Variants in CHD3 observed in about 807,000 individuals in gnomAD.
CHD3 encodes the protein chromodomain helicase DNA binding protein 3.
Under a neutral mutation model 248.9 loss-of-function variants are expected in CHD3, and 52 were observed. The ratio of observed to expected loss-of-function variants is 0.21; its 90% CI spans 0.17 to 0.26. The LOEUF is 0.26. Among genes scored for constraint, CHD3 ranks in the 10% least tolerant of loss-of-function variants. The pLI is 1.00. For synonymous variants in CHD3, 985 were observed against 985.2 expected (o/e 1.00, Z 0.00); for missense variants, 1,482 against 2,605.8 (o/e 0.57, Z 9.39).
At position 7,900,758 on chromosome 17, in the gene CHD3, G is replaced by T. The variant is rs766586648; in HGVS notation, c.2978+27G>T. ...TAAGATGCAAGACGAGCTGCCTGGAGTAGGGCTTGGGGATTGATGGGAGCG... is the reference window on the plus strand; with the variant it reads ...TAAGATGCAAGACGAGCTGCCTGGATTAGGGCTTGGGGATTGATGGGAGCG... On this transcript the variant is annotated intron_variant, in intron 18 of 39. Coordinates refer to ENST00000330494, the MANE Select transcript of CHD3 (RefSeq NM_001005273.3). This position sits in a 1 kb window ranked among gnomAD's most constrained non-coding sequence, Gnocchi z 6.5. 3 of 1,610,434 alleles carry T rather than the reference G, an allele frequency of 1.9e-6. No homozygotes were observed. Among genetic ancestry groups the T allele is most frequent in the Admixed American group, 3.3e-5 (2 of 59,962 alleles).
In CHD3 at chr17:7,907,564, A is replaced by G. The variant is rs375804462; in HGVS notation, c.4925-37A>G. ...TCTTCTGGGGTCAGGGGATGAGGGT[A>G]ACATCCTCCCTTCCTATCCCCTACC... On this transcript the variant is annotated intron_variant, in intron 32 of 39. Coordinates refer to ENST00000330494, the MANE Select transcript of CHD3 (RefSeq NM_001005273.3). This position sits in a 1 kb window ranked among gnomAD's most constrained non-coding sequence, Gnocchi z 4.3. The G allele has an allele frequency of 1.3e-6, 2 of 1,522,116 alleles. No homozygotes were observed. The highest frequency in any genetic ancestry group is 1.8e-6 in the Non-Finnish European group (2 of 1,135,962). 94.3% of individuals were successfully genotyped at this position (1,522,116 alleles called of 1,614,324 possible). A position where few individuals can be genotyped will look rare whatever the true frequency, so the allele number is the denominator to read the frequency against.
Position 7,908,431 on chromosome 17 carries a change from C to G in CHD3, c.5182C>G (p.Arg1728Gly). 1.2e-6 allele frequency: 2 copies of G among 1,613,640 alleles called. No homozygotes were observed. The highest frequency in any genetic ancestry group is 1.7e-6 in the Non-Finnish European group (2 of 1,179,746). The change falls in exon 35 of 40, where the codon CGG becomes GGG. Residue 1728 changes from arginine to glycine, a missense_variant. By Grantham distance (125) the Arg-to-Gly change is moderately radical. Around this residue, in one of 20 missense-constraint regions of CHD3, gnomAD observed 36 missense variants for 70.4 expected, o/e 0.51. Coordinates refer to ENST00000330494, the MANE Select transcript of CHD3 (RefSeq NM_001005273.3). This position sits in a 1 kb window ranked among gnomAD's most constrained non-coding sequence, Gnocchi z 5.8. ...ELHTLWQNEE[R>G]AAISSGKLNE... ...TCACACACTGTGGCAGAATGAGGAA[C>G]GGGCAGCTATTTCCTCGGGGAAACT...
chr17:7,885,543 G>GCGTGGGGGAGGGGCA (rs1455523193), upstream of CHD3, among the ~76,000 whole-genome samples: 2 of 151,750 alleles, frequency 1.3e-5, no homozygotes, highest in East Asian at 2.0e-4. Flanking sequence ...CCGGACGGCG[G>GCGTGGGGGAGGGGCA]CGTGGGGGAG....
Position 7,904,421 on chromosome 17 carries a change from A to G in CHD3, c.3895-21A>G, listed in dbSNP as rs780192898. ...GCAAAGAAGGAGACCCCCAGTGTTC[A>G]TTCATTCTGTTGCCCTTCAGATTGA... On this transcript the variant is annotated intron_variant, in intron 24 of 39. Transcript: ENST00000330494. This position sits in a 1 kb window ranked among gnomAD's most constrained non-coding sequence, Gnocchi z 4.4. 2.2e-5 allele frequency: 36 copies of G among 1,605,188 alleles called. No individual in the cohort carries two copies. The highest frequency in any genetic ancestry group is 2.6e-5 in the Non-Finnish European group (30 of 1,173,336).
rs1425211503 is a variant in CHD3, at chr17:7,896,818, C to T, written c.1708-265C>T. ...GGATTACAGGCGTGCGCCACCACAC[C>T]TGGCTAATTTCTGTATTTTTAGTAG... On this transcript the variant is annotated intron_variant, in intron 10 of 39. Coordinates refer to ENST00000330494, the MANE Select transcript of CHD3 (RefSeq NM_001005273.3). Among the ~76,000 whole-genome samples the T allele has an allele frequency of 2.6e-5, 4 of 151,730 alleles. No homozygotes were observed. The East Asian group carries it at 7.7e-4, about 29-fold the overall frequency.
chr17:7,899,648 C>T lies in CHD3; in HGVS notation c.2544+105C>T, dbSNP rs563625386. ...TTCCCCTCCTCACCTTTCTCCTCTT[C>T]CTCCACCTGTCCTCCTGTCTCTGCA... On this transcript the variant is annotated intron_variant, in intron 15 of 39. Coordinates refer to ENST00000330494, the MANE Select transcript of CHD3 (RefSeq NM_001005273.3). This position sits in a 1 kb window ranked among gnomAD's most constrained non-coding sequence, Gnocchi z 6.8. The T allele has an allele frequency of 8.2e-7, 1 of 1,213,026 alleles. No homozygotes were observed. The allele number at this position is 1,213,026 out of a possible 1,614,324, so 75.1% of individuals were successfully genotyped here.
Position 7,895,482 on chromosome 17 carries a change from G to A in CHD3, c.1647G>A (p.Glu549=). ...CTCTTCAAGGCAGATCAGAGCGAGA[G>A]TTCTTTGTCAAGTGGGTAGGACTAT... ...PRPLQGRSER[E]FFVKWVGLSY... The change falls in exon 10 of 40, where the codon GAG becomes GAA. Residue 549 remains glutamate, a synonymous_variant. Transcript: ENST00000330494. The surrounding 1 kb of genome is among the most constrained non-coding windows in gnomAD (Gnocchi z 4.9). 3 of 1,614,130 alleles carry A rather than the reference G, an allele frequency of 1.9e-6. No homozygotes were observed. The highest frequency in any genetic ancestry group is 1.1e-5 in the South Asian group (1 of 91,080).
chr17:7,893,762 T>C, intron 5 of CHD3, 43 bp from the exon 6 acceptor site: 1 of 1,605,674 alleles, frequency 6.2e-7, no homozygotes. Flanking sequence ...CAGGATGTCA[T>C]GACCTCTCCT....
Position 7,911,045 on chromosome 17 carries a change from C to T in CHD3, c.5881+72C>T. The T allele has an allele frequency of 1.3e-6, 2 of 1,584,308 alleles. No homozygotes were observed. Among genetic ancestry groups the T allele is most frequent in the Non-Finnish European group, 1.7e-6 (2 of 1,158,882 alleles). ...CCAAACTTTATTTCTGCTCAGCTGC[C>T]CTTTAACTGCTCTAGTCCATCTCAT... On this transcript the variant is annotated intron_variant, in intron 39 of 39. Transcript: ENST00000330494. This position sits in a 1 kb window ranked among gnomAD's most constrained non-coding sequence, Gnocchi z 5.4.
Position 7,909,373 on chromosome 17 carries a change from C to T in CHD3, c.5590+35C>T. 1 of 1,512,518 alleles carries T rather than the reference C, an allele frequency of 6.6e-7. No individual in the cohort carries two copies. The highest frequency in any genetic ancestry group is 8.9e-7 in the Non-Finnish European group (1 of 1,128,804). 93.7% of individuals were successfully genotyped at this position (1,512,518 alleles called of 1,614,324 possible). Reference sequence around the variant, plus strand: ...GCGGCGGCCCCGCGCGGGGGAGGGCCCACAACGCTGCGTAAGTCTTCACCC... The same window carrying T: ...GCGGCGGCCCCGCGCGGGGGAGGGCTCACAACGCTGCGTAAGTCTTCACCC... On this transcript the variant is annotated intron_variant, in intron 37 of 39. Transcript: ENST00000330494. This position sits in a 1 kb window ranked among gnomAD's most constrained non-coding sequence, Gnocchi z 8.1.
At chr17:7,887,136 G>A (rs1451005610), upstream of CHD3, among the ~76,000 whole-genome samples, 1 of 152,132 alleles carries the variant, frequency 6.6e-6, no homozygotes, top group Non-Finnish European at 1.5e-5. Context: ...CTACCTAAGT[G>A]TGGGGAAAAG....
At position 7,905,423 on chromosome 17, in the gene CHD3, C is replaced by T. The variant is rs1970809981; in HGVS notation, c.4139-198C>T. ...AATCTGGGCCTTTGTCAGATATCAG[C>T]TGTTAATTTTAAAATATGACTGGTT... On this transcript the variant is annotated intron_variant, in intron 26 of 39. Coordinates refer to ENST00000330494, the MANE Select transcript of CHD3 (RefSeq NM_001005273.3). This position sits in a 1 kb window ranked among gnomAD's most constrained non-coding sequence, Gnocchi z 5.8. The T allele has an allele frequency of 1.6e-6, 1 of 618,838 alleles. No homozygotes were observed. The highest frequency in any genetic ancestry group is 2.9e-5 in the Admixed American group (1 of 34,040). The allele number at this position is 618,838 out of a possible 1,614,324, so 38.3% of individuals were successfully genotyped here.
rs529883549 is a variant in CHD3 at position 7,901,992 on chromosome 17, T to C, written c.3252+617T>C. ...TTGGAAATGTGATGAAAGCTCTGGG[T>C]CTACTCACCAGAAAACTGCACATAC... On this transcript the variant is annotated intron_variant, in intron 20 of 39. Transcript: ENST00000330494. Among the ~76,000 whole-genome samples, 234 of 152,238 alleles carry C rather than the reference T, an allele frequency of 1.5e-3. 4 individuals carry two copies. The South Asian group carries it at 0.03, about 19-fold the overall frequency.
chr17:7,899,720 T>TCTGTC lies in CHD3; in HGVS notation c.2545-175_2545-171dup, dbSNP rs1970087007. The stretch of plus-strand genomic sequence containing the variant: ...AGGTACTCCCAGGGGCATACATGGA[T>TCTGTC]CTGTCGGTACTGGAAATGTGGGCAG... On this transcript the variant is annotated intron_variant, in intron 15 of 39. Transcript: ENST00000330494. The surrounding 1 kb of genome is among the most constrained non-coding windows in gnomAD (Gnocchi z 6.8). Among the ~76,000 whole-genome samples the TCTGTC allele has an allele frequency of 6.6e-6, 1 of 152,086 alleles. No individual in the cohort carries two copies. Among genetic ancestry groups the TCTGTC allele is most frequent in the Non-Finnish European group, 1.5e-5 (1 of 68,016 alleles).
At position 7,897,271 on chromosome 17, in the gene CHD3, C is replaced by G. The variant is rs373299963; in HGVS notation, c.1896C>G (p.Thr632=). The G allele has an allele frequency of 6.2e-7, 1 of 1,613,788 alleles. No homozygotes were observed. Among genetic ancestry groups the G allele is most frequent in the East Asian group, 2.2e-5 (1 of 44,878 alleles). ...YRFGIKPEWM[T]VHRIINHSVD... is the part of the protein sequence containing the mutation. ...TTGGCATCAAGCCAGAGTGGATGAC[C>G]GTCCACCGCATCATCAACCACAGGT... is the stretch of plus-strand genomic sequence containing the variant. Residue 632 remains threonine, a synonymous_variant, in exon 11 of 40, where the codon ACC becomes ACG. Coordinates refer to ENST00000330494, the MANE Select transcript of CHD3 (RefSeq NM_001005273.3). This position sits in a 1 kb window ranked among gnomAD's most constrained non-coding sequence, Gnocchi z 4.8.
Position 7,910,387 on chromosome 17 carries a change from G to A in CHD3, c.5591-41G>A. The A allele has an allele frequency of 6.2e-7, 1 of 1,613,430 alleles. No individual in the cohort carries two copies. The highest frequency in any genetic ancestry group is 8.5e-7 in the Non-Finnish European group (1 of 1,179,646). ...CCTGGCTCCATCTCTGTATTTCCCT[G>A]TCTTTCTCTTGCCCTTCTTTCTCTG... On this transcript the variant is annotated intron_variant, in intron 37 of 39. Coordinates refer to ENST00000330494, the MANE Select transcript of CHD3 (RefSeq NM_001005273.3). This position sits in a 1 kb window ranked among gnomAD's most constrained non-coding sequence, Gnocchi z 4.7.
Position 7,893,833 on chromosome 17 carries a change from C to T in CHD3, c.822C>T (p.Ser274=), listed in dbSNP as rs1300886157. Residue 274 remains serine, a synonymous_variant, in exon 6 of 40, where the codon AGC becomes AGT. Transcript: ENST00000330494. Reference sequence around the variant, plus strand: ...CAGGCCATAAGAGGCGGAGTAAGAGCCCCCGAGTGCCTGATGGACGCAAGA... The same window carrying T: ...CAGGCCATAAGAGGCGGAGTAAGAGTCCCCGAGTGCCTGATGGACGCAAGA... ...KGPGHKRRSK[S]PRVPDGRKKL... is the part of the protein sequence containing the mutation. 3.1e-6 allele frequency: 5 copies of T among 1,614,030 alleles called. No homozygotes were observed. The South Asian group carries it at 3.3e-5, about 11-fold the overall frequency.
At chr17:7,896,121 A>G (rs1244093613) in intron 10 of CHD3, among the ~76,000 whole-genome samples, 2 of 150,518 alleles carry the variant, frequency 1.3e-5, no homozygotes, top group Admixed American at 1.3e-4. Flanking sequence ...CCAGCTACTC[A>G]GGAGGCTGAG....
chr17:7,895,644 C>G lies in CHD3; in HGVS notation c.1707+102C>G. ...GTTGGGTTCCCATACTCTTTGTTTTCTCTCATTTCAGGCCTGTGGCCTTCA... is the reference window on the plus strand; with the variant it reads ...GTTGGGTTCCCATACTCTTTGTTTTGTCTCATTTCAGGCCTGTGGCCTTCA... On this transcript the variant is annotated intron_variant, in intron 10 of 39. Transcript: ENST00000330494. The surrounding 1 kb of genome is among the most constrained non-coding windows in gnomAD (Gnocchi z 4.9). 9.1e-7 allele frequency: 1 copy of G among 1,099,062 alleles called. No homozygotes were observed. The highest frequency in any genetic ancestry group is 1.3e-6 in the Non-Finnish European group (1 of 745,488). The allele number at this position is 1,099,062 out of a possible 1,614,324, so 68.1% of individuals were successfully genotyped here.
Sources: allele counts gnomAD v4.1 joint callset (sites outside exome capture counted in the v4.1 genomes callset), GRCh38; gene constraint gnomAD v4.1.1; regional missense constraint gnomAD v4.1.1; non-coding constraint Gnocchi (gnomAD v3.1); transcripts MANE v1.5; gene names NCBI Gene and HGNC (gene_info 2026-07-23, HGNC 2026-07-21).